Variants in SLC4A10 observed in about 807,000 individuals in gnomAD.
SLC4A10 encodes the protein sodium-driven chloride bicarbonate exchanger.
Under a neutral mutation model 137.7 loss-of-function variants are expected in SLC4A10, and 42 were observed. That is an observed-to-expected ratio of 0.30 (90% CI 0.24 to 0.39). The LOEUF (loss-of-function observed/expected upper bound fraction) is 0.39. SLC4A10 is among the 10% of genes least tolerant of loss of function. SLC4A10 has a pLI of 1.00. For synonymous variants in SLC4A10, 474 were observed against 464.1 expected, an observed-to-expected ratio of 1.02 and a Z score of -0.27; for missense variants, 925 against 1,355.0, an observed-to-expected ratio of 0.68 and a Z score of 4.98.
intron 3 of SLC4A10, among the ~76,000 whole-genome samples, chr2:161,824,307 A>C (rs1369946563): frequency 6.6e-6 from 1 of 152,202 alleles, no homozygotes; most frequent in Non-Finnish European, 1.5e-5. Context: ...AGACATCATG[A>C]AACTCTAGAT....
chr2:161,706,133 A>C (rs2043639501), intron 1 of SLC4A10, among the ~76,000 whole-genome samples: 1 of 151,490 alleles, frequency 6.6e-6, no homozygotes, highest in Non-Finnish European at 1.5e-5. Context: ...TAGATAATAG[A>C]GAGATTAAGA....
At chr2:161,859,376 C>T (rs970190412) in intron 5 of SLC4A10, among the ~76,000 whole-genome samples, 2 of 150,278 alleles carry the variant, frequency 1.3e-5, no homozygotes, top group Non-Finnish European at 3.0e-5. Flanking sequence ...CTGCAGCCTC[C>T]GCCTCCTGGG....
chr2:161,707,444 A>T (rs2043798247), intron 1 of SLC4A10, among the ~76,000 whole-genome samples: 1 of 151,242 alleles, frequency 6.6e-6, no homozygotes, highest in African/African-American at 2.4e-5. Context: ...AATGTAGTTG[A>T]ATTGACTATA....
intron 1 of SLC4A10, among the ~76,000 whole-genome samples, chr2:161,671,549 G>A (rs1481978099): frequency 6.6e-6 from 1 of 152,080 alleles, no homozygotes; most frequent in Non-Finnish European, 1.5e-5. Flanking sequence ...GAGAGAGGGA[G>A]GGAGACAAGG....
intron 3 of SLC4A10, among the ~76,000 whole-genome samples, chr2:161,810,516 T>C (rs546181145): frequency 6.6e-6 from 1 of 152,152 alleles, no homozygotes; most frequent in Non-Finnish European, 1.5e-5. Context: ...CATAGATGGC[T>C]CTTATTGTTT....
At chr2:161,908,498 G>C (rs982357237) in intron 15 of SLC4A10, among the ~76,000 whole-genome samples, 1 of 150,402 alleles carries the variant, frequency 6.6e-6, no homozygotes, top group South Asian at 2.1e-4. Context: ...ATGACGAGTT[G>C]ATGGGTGCAG....
At chr2:161,813,778 CTCT>C (rs1026883847) in intron 3 of SLC4A10, among the ~76,000 whole-genome samples, 1 of 152,028 alleles carries the variant, frequency 6.6e-6, no homozygotes, top group Non-Finnish European at 1.5e-5. Context: ...TTCCCTGTGC[CTCT>C]TCTTTATTTT....
chr2:161,728,357 C>G (rs900934318), intron 1 of SLC4A10, among the ~76,000 whole-genome samples: 1 of 152,120 alleles, frequency 6.6e-6, no homozygotes, highest in Non-Finnish European at 1.5e-5. Context: ...GGCAAATTAT[C>G]TGAGGTCAGG....
At chr2:161,893,323 C>A (rs2063106478) in intron 10 of SLC4A10, among the ~76,000 whole-genome samples, 1 of 152,136 alleles carries the variant, frequency 6.6e-6, no homozygotes, top group Admixed American at 6.6e-5. Context: ...GAACTTTCTG[C>A]ACTGTGTAGA....
intron 22 of SLC4A10, 145 bp downstream of exon 22, chr2:161,964,453 A>G: frequency 1.2e-6 from 1 of 838,956 alleles, no homozygotes; most frequent in Non-Finnish European, 1.8e-6. Flanking sequence ...AAGTGTGACT[A>G]AGATAGGGTT....
At chr2:161,689,990 T>G (rs1002482336) in intron 1 of SLC4A10, among the ~76,000 whole-genome samples, 1 of 152,136 alleles carries the variant, frequency 6.6e-6, no homozygotes, top group Non-Finnish European at 1.5e-5. Flanking sequence ...CATATACTAG[T>G]GTTCAAATGA....
intron 1 of SLC4A10, among the ~76,000 whole-genome samples, chr2:161,722,609 T>G (rs531576443): frequency 6.6e-6 from 1 of 152,214 alleles, no homozygotes; most frequent in South Asian, 2.1e-4. Flanking sequence ...CTGTACAAGG[T>G]GTCTGGTGAC....
chr2:161,938,162 T>A (rs1210406505), intron 15 of SLC4A10, among the ~76,000 whole-genome samples: 3 of 152,072 alleles, frequency 2.0e-5, no homozygotes, highest in South Asian at 4.2e-4. Flanking sequence ...TCCTAGCTAT[T>A]CGGGAGGCTG....
intron 15 of SLC4A10, among the ~76,000 whole-genome samples, chr2:161,919,092 T>C (rs1687666942): frequency 2.0e-5 from 3 of 152,184 alleles, no homozygotes; most frequent in South Asian, 2.1e-4. Context: ...GCCTGGGTGC[T>C]CTTGCAACCT....
At chr2:161,717,293 CTT>C (rs1201532324) in intron 1 of SLC4A10, among the ~76,000 whole-genome samples, 2 of 152,076 alleles carry the variant, frequency 1.3e-5, no homozygotes, top group Non-Finnish European at 2.9e-5. Flanking sequence ...ATTTATTTCT[CTT>C]TGCCTGATTG....
chr2:161,838,826 G>T (rs1035387892), intron 3 of SLC4A10, among the ~76,000 whole-genome samples: 1 of 152,176 alleles, frequency 6.6e-6, no homozygotes, highest in Non-Finnish European at 1.5e-5. Flanking sequence ...TGCTGGTGAA[G>T]ATTCAGAACA....
intron 1 of SLC4A10, among the ~76,000 whole-genome samples, chr2:161,689,982 T>C (rs1257007688): frequency 6.6e-6 from 1 of 152,164 alleles, no homozygotes; most frequent in Non-Finnish European, 1.5e-5. Context: ...ATTCATGGCA[T>C]ATACTAGTGT....
At chr2:161,749,456 T>A (rs981237041) in intron 1 of SLC4A10, among the ~76,000 whole-genome samples, 1 of 152,050 alleles carries the variant, frequency 6.6e-6, no homozygotes, top group African/African-American at 2.4e-5. Flanking sequence ...TGAGAGTTTT[T>A]ATCATAAAAA....
chr2:161,960,529 G>A (rs540044280), intron 21 of SLC4A10, among the ~76,000 whole-genome samples: 1 of 151,868 alleles, frequency 6.6e-6, no homozygotes, highest in African/African-American at 2.4e-5. Flanking sequence ...AGACCAGCCT[G>A]ACCAATATGG....
Sources: gnomAD v4.1 joint callset for allele counts (sites outside exome capture counted in the v4.1 genomes callset) on GRCh38, gnomAD v4.1.1 for gene constraint, MANE v1.5 for transcripts, NCBI Gene and HGNC (gene_info 2026-07-23, HGNC 2026-07-21) for gene names.